COL3A1: variants seen among roughly 807,000 people sequenced by gnomAD.
The protein encoded by COL3A1 is collagen alpha-1(III) chain.
Under a neutral mutation model 200.9 loss-of-function variants are expected in COL3A1, and 46 were observed. The ratio of observed to expected loss-of-function variants is 0.23; its 90% CI spans 0.18 to 0.29. COL3A1 has a LOEUF of 0.29. Ranked by LOEUF, COL3A1 falls within the 10% of genes least tolerant of loss-of-function variation. The pLI is 1.00. For synonymous variants in COL3A1, 650 were observed against 628.0 expected, an observed-to-expected ratio of 1.03 and a Z score of -0.52; for missense variants, 1,367 against 1,917.6, an observed-to-expected ratio of 0.71 and a Z score of 5.36.
chr2:188,994,382 C>T lies in COL3A1; in HGVS notation c.1293+50C>T. The stretch of plus-strand genomic sequence containing the variant: ...TTGACTGAAAGGTATAGTTTAATTC[C>T]ATCAACAAAAAATTAATAGCAAAAT... On this transcript the variant is annotated intron_variant, in intron 18 of 50. Transcript: ENST00000304636. This position sits in a 1 kb window ranked among gnomAD's most constrained non-coding sequence, Gnocchi z 4.5. 3 of 1,606,174 alleles carry T rather than the reference C, an allele frequency of 1.9e-6. No individual in the cohort carries two copies. Among genetic ancestry groups the T allele is most frequent in the Non-Finnish European group, 2.6e-6 (3 of 1,173,686 alleles).
chr2:188,989,694 C>G (rs1688145483), intron 8 of COL3A1, among the ~76,000 whole-genome samples: 1 of 152,120 alleles, frequency 6.6e-6, no homozygotes, highest in African/African-American at 2.4e-5. Context: ...GAAGACTCAT[C>G]CATTGAATAT....
At chr2:188,983,364 A>G (rs1687994866) in intron 1 of COL3A1, among the ~76,000 whole-genome samples, 1 of 151,998 alleles carries the variant, frequency 6.6e-6, no homozygotes, top group East Asian at 1.9e-4. Context: ...TTAAATTTGT[A>G]TCAGAACACA....
chr2:188,985,955 A>T (rs1011441456), intron 4 of COL3A1, among the ~76,000 whole-genome samples, 177 bp downstream of exon 4: 13 of 152,094 alleles, frequency 8.5e-5, no homozygotes, highest in African/African-American at 3.1e-4. Context: ...TAAGTACTTT[A>T]TAAGTATTCA....
intron 1 of COL3A1, among the ~76,000 whole-genome samples, chr2:188,978,852 C>T (rs528437422): frequency 2.0e-5 from 3 of 150,780 alleles, no homozygotes; most frequent in South Asian, 4.2e-4. Flanking sequence ...AAGATGACAA[C>T]GGAAAAAATG....
Position 188,999,522 on chromosome 2 carries a change from A to C in COL3A1, c.2174A>C (p.Gln725Pro). The C allele has an allele frequency of 6.2e-7, 1 of 1,614,052 alleles. No homozygotes were observed. Among genetic ancestry groups the C allele is most frequent in the African/African-American group, 1.3e-5 (1 of 75,022 alleles). Residue 725 changes from glutamine (Q) to proline (P), a missense_variant, in exon 31 of 51, where the codon CAA becomes CCA. Transcript: ENST00000304636. ...GGTGCTGCTGGTACTCCTGGTCTGC[A>C]AGGAATGCCTGGAGAAAGAGGAGGT... ...PPGAAGTPGL[Q>P]GMPGERGGLG... is the part of the protein sequence containing the mutation.
At chr2:188,986,740 C>A (rs923399246) in intron 4 of COL3A1, among the ~76,000 whole-genome samples, 2 of 151,854 alleles carry the variant, frequency 1.3e-5, no homozygotes, top group African/African-American at 4.8e-5. Flanking sequence ...AGCCTATGAT[C>A]CTATGTTTGT....
At position 189,009,091 on chromosome 2, in the gene COL3A1, C is replaced by A. The variant is rs368556405; in HGVS notation, c.3693C>A (p.Thr1231=). The change falls in exon 48 of 51, where the codon ACC becomes ACA. Residue 1231 remains threonine (T), a synonymous_variant. Coordinates refer to ENST00000304636, the MANE Select transcript of COL3A1 (RefSeq NM_000090.4). ...GDEPMDFKIN[T]DEIMTSLKSV... ...AACCAATGGATTTCAAAATCAACACCGATGAGATTATGACTTCACTCAAGT... is the reference window on the plus strand; with the variant it reads ...AACCAATGGATTTCAAAATCAACACAGATGAGATTATGACTTCACTCAAGT... 5.8e-5 allele frequency: 94 copies of A among 1,614,112 alleles called. No homozygotes were observed. The Middle Eastern group carries it at 6.6e-4, about 11-fold the overall frequency.
Position 188,994,946 on chromosome 2 carries a change from G to T in COL3A1, c.1456-100G>T, listed in dbSNP as rs1046832391. On this transcript the variant is annotated intron_variant, in intron 20 of 50. Coordinates refer to ENST00000304636, the MANE Select transcript of COL3A1 (RefSeq NM_000090.4). The surrounding 1 kb of genome is among the most constrained non-coding windows in gnomAD (Gnocchi z 4.5). Reference sequence around the variant, plus strand: ...AAGTTGAGTGTTCAGTGAAAATATTGTTTAAAGCATTCTATGACATAAAAA... The same window carrying T: ...AAGTTGAGTGTTCAGTGAAAATATTTTTTAAAGCATTCTATGACATAAAAA... 15 of 1,550,316 alleles carry T rather than the reference G, an allele frequency of 9.7e-6. No homozygotes were observed. Among genetic ancestry groups the T allele is most frequent in the Admixed American group, 3.3e-5 (2 of 59,878 alleles).
chr2:188,986,427 A>C (rs1688065847), intron 4 of COL3A1, among the ~76,000 whole-genome samples: 1 of 152,084 alleles, frequency 6.6e-6, no homozygotes, highest in Non-Finnish European at 1.5e-5. Context: ...CAAGAACCAA[A>C]GTATATTGTC....
intron 1 of COL3A1, among the ~76,000 whole-genome samples, chr2:188,980,520 T>A (rs996418797): frequency 1.3e-5 from 2 of 150,602 alleles, no homozygotes; most frequent in Non-Finnish European, 3.0e-5. Flanking sequence ...TCTAAGGAGA[T>A]TGAAAAAGCA....
chr2:188,982,152 A>C (rs1687966112), intron 1 of COL3A1, among the ~76,000 whole-genome samples: 1 of 151,692 alleles, frequency 6.6e-6, no homozygotes, highest in Non-Finnish European at 1.5e-5. Context: ...AAATATTTTA[A>C]GAATATGATA....
chr2:189,005,245 AT>A (rs1167308397), intron 40 of COL3A1, 104 bp from the exon 41 acceptor site: 26 of 1,050,574 alleles, frequency 2.5e-5, no homozygotes, highest in Non-Finnish European at 8.7e-6. Context: ...TTCAATGAAG[AT>A]TAAATAAAAT....
chr2:189,012,004 A>C lies in COL3A1; in HGVS notation c.*230A>C. ...TTATTTTTTTACCAATTCCAATTTC[A>C]AAATGTCTCAATGGTGCTATAATAA... On this transcript the variant is annotated 3_prime_UTR_variant, in exon 51 of 51. Coordinates refer to ENST00000304636, the MANE Select transcript of COL3A1 (RefSeq NM_000090.4). The C allele has an allele frequency of 1.8e-6, 1 of 547,676 alleles. No homozygotes were observed. The highest frequency in any genetic ancestry group is 2.1e-5 in the South Asian group (1 of 48,552). The allele number at this position is 547,676 out of a possible 1,614,324, so 33.9% of individuals were successfully genotyped here. A position where few individuals can be genotyped will look rare whatever the true frequency, so the allele number is the denominator to read the frequency against.
At position 189,009,004 on chromosome 2, in the gene COL3A1, C is replaced by T. The variant is rs755573602; in HGVS notation, c.3606C>T (p.Ala1202=). Residue 1202 remains alanine, a synonymous_variant, in exon 48 of 51, where the codon GCC becomes GCT. Transcript: ENST00000304636. ...GTCCTTGCTGTGGTGGTGTTGGAGCCGCTGCCATTGCTGGGATTGGAGGTG... is the reference window on the plus strand; with the variant it reads ...GTCCTTGCTGTGGTGGTGTTGGAGCTGCTGCCATTGCTGGGATTGGAGGTG... ...APGPCCGGVG[A]AAIAGIGGEK... is the part of the protein sequence containing the mutation. The T allele has an allele frequency of 2.9e-5, 46 of 1,614,014 alleles. No homozygotes were observed. The highest frequency in any genetic ancestry group is 1.3e-4 in the South Asian group (12 of 91,086).
Position 189,002,300 on chromosome 2 carries a change from T to C in COL3A1, c.2394T>C (p.Gly798=), listed in dbSNP as rs886038982. Reference sequence around the variant, plus strand: ...AAGGAGGATATTTTTCTCTTCAGGGTGAGAGAGGTGAAACTGGCCCTCCAG... The same window carrying C: ...AAGGAGGATATTTTTCTCTTCAGGGCGAGAGAGGTGAAACTGGCCCTCCAG... ...PGIAGPRGSP[G]ERGETGPPGP... Residue 798 remains glycine (G), a splice_region_variant and synonymous_variant, in exon 35 of 51, where the codon GGT becomes GGC. Coordinates refer to ENST00000304636, the MANE Select transcript of COL3A1 (RefSeq NM_000090.4). 12 of 1,613,360 alleles carry C rather than the reference T, an allele frequency of 7.4e-6. No homozygotes were observed. Among genetic ancestry groups the C allele is most frequent in the Non-Finnish European group, 1.0e-5 (12 of 1,179,436 alleles).
chr2:188,997,877 T>G (rs906170831), intron 27 of COL3A1, 124 bp downstream of exon 27: 20 of 889,578 alleles, frequency 2.2e-5, no homozygotes, highest in African/African-American at 3.3e-5. Flanking sequence ...AATAAAATTT[T>G]AGGCAATGTT....
At chr2:189,001,617 C>G (rs202102742) in intron 34 of COL3A1, 28 bp downstream of exon 34, 2 of 1,492,104 alleles carry the variant, frequency 1.3e-6, no homozygotes, top group Non-Finnish European at 1.8e-6. Context: ...TCTCAACATA[C>G]TTTTTAACCC....
At chr2:189,002,928 A>C in intron 35 of COL3A1, 27 bp from the exon 36 acceptor site, 1 of 1,454,998 alleles carries the variant, frequency 6.9e-7, no homozygotes. Flanking sequence ...GTGTCAGCTG[A>C]GAGATTGCTG....
chr2:189,004,161 T>C lies in COL3A1; in HGVS notation c.2823+18T>C. On this transcript the variant is annotated intron_variant, in intron 39 of 50. Transcript: ENST00000304636. The stretch of plus-strand genomic sequence containing the variant: ...GCCCACCAGTAAGTAACTTCATTTT[T>C]TTAAATTGATTCTACTATTTTGATT... 1 of 1,613,794 alleles carries C rather than the reference T, an allele frequency of 6.2e-7. No individual in the cohort carries two copies.
Sources: allele counts gnomAD v4.1 joint callset (sites outside exome capture counted in the v4.1 genomes callset), GRCh38; gene constraint gnomAD v4.1.1; non-coding constraint Gnocchi (gnomAD v3.1); transcripts MANE v1.5; gene names NCBI Gene and HGNC (gene_info 2026-07-23, HGNC 2026-07-21).